The following P4HA3 variants were observed in gnomAD, a reference collection of about 807,000 sequenced individuals.
The protein encoded by P4HA3 is prolyl 4-hydroxylase subunit alpha-3.
In P4HA3, 60 loss-of-function variants were observed where a neutral mutation model predicts 66.7. The ratio of observed to expected loss-of-function variants is 0.90; its 90% CI spans 0.73 to 1.12. The LOEUF (loss-of-function observed/expected upper bound fraction) is 1.12. Ranked by LOEUF, P4HA3 falls within the 50% of genes most tolerant of loss-of-function variation. The pLI, the probability that P4HA3 is intolerant of heterozygous loss-of-function variation, is 0.00. For synonymous variants in P4HA3, 263 were observed against 274.6 expected (o/e 0.96, Z 0.42); for missense variants, 683 against 685.8 (o/e 1.00, Z 0.05).
At chr11:74,300,855 T>C (rs1300411635) in intron 3 of P4HA3, among the ~76,000 whole-genome samples, 1 of 152,152 alleles carries the variant, frequency 6.6e-6, no homozygotes, top group East Asian at 1.9e-4. Flanking sequence ...TAGCCCAAAC[T>C]AGAAGCAATC....
At chr11:74,287,854 T>C (rs986933965) in intron 5 of P4HA3, among the ~76,000 whole-genome samples, 1 of 152,020 alleles carries the variant, frequency 6.6e-6, no homozygotes, top group African/African-American at 2.4e-5. Flanking sequence ...CCATCTCTGC[T>C]AAAAATATAA....
chr11:74,275,981 T>C (rs1860379481), intron 9 of P4HA3, among the ~76,000 whole-genome samples: 1 of 152,166 alleles, frequency 6.6e-6, no homozygotes. Flanking sequence ...ATAAAAAGAA[T>C]GAAATAATTT....
chr11:74,262,385 A>C (rs899731268), downstream of P4HA3, among the ~76,000 whole-genome samples: 1 of 152,154 alleles, frequency 6.6e-6, no homozygotes, highest in African/African-American at 2.4e-5. Flanking sequence ...ATAAAGAGGG[A>C]TGTGGCAGAG....
At chr11:74,308,983 TC>T (rs1483011582) in intron 1 of P4HA3, among the ~76,000 whole-genome samples, 1 of 152,144 alleles carries the variant, frequency 6.6e-6, no homozygotes, top group Non-Finnish European at 1.5e-5. Context: ...CAAATAGAGG[TC>T]TGTTAAACTC....
intron 7 of P4HA3, among the ~76,000 whole-genome samples, chr11:74,282,935 G>A (rs1025038620): frequency 3.0e-4 from 45 of 152,288 alleles, no homozygotes; most frequent in African/African-American, 9.1e-4. Flanking sequence ...CAGGGCTAGC[G>A]GGCCCAGCGA....
At position 74,271,647 on chromosome 11, in the gene P4HA3, C is replaced by T. The variant is rs529932842; in HGVS notation, c.1398+1898G>A. ...AAGTAGCGGGGACTACAGGTGCACA[C>T]CACCGCACCCAGATTGGGACTGATC... On this transcript the variant is annotated intron_variant, in intron 10 of 12. Coordinates refer to ENST00000331597, the MANE Select transcript of P4HA3 (RefSeq NM_182904.5). Among the ~76,000 whole-genome samples the T allele has an allele frequency of 2.3e-4, 35 of 152,126 alleles. 1 individual carries two copies. The highest frequency in any genetic ancestry group is 7.5e-4 in the African/African-American group (31 of 41,496).
At chr11:74,292,165 TA>T (rs1861051833) in intron 4 of P4HA3, among the ~76,000 whole-genome samples, 1 of 152,232 alleles carries the variant, frequency 6.6e-6, no homozygotes, top group Admixed American at 6.5e-5. Context: ...CTTCCTGGTT[TA>T]GTCTTGGGAG....
intron 9 of P4HA3, among the ~76,000 whole-genome samples, chr11:74,273,994 G>C (rs1565406598): frequency 6.6e-6 from 1 of 151,928 alleles, no homozygotes; most frequent in Non-Finnish European, 1.5e-5. Context: ...TTGCTGAAGA[G>C]ACATACTCTT....
intron 15 of P4HA3, chr11:74,250,846 A>C: frequency 1.2e-6 from 1 of 856,838 alleles, no homozygotes; most frequent in East Asian, 2.7e-5. Context: ...TATTGAGGTG[A>C]GGTTGGAAAT....
intron 15 of P4HA3, among the ~76,000 whole-genome samples, chr11:74,255,014 T>C (rs1859798135): frequency 1.3e-5 from 2 of 152,158 alleles, no homozygotes; most frequent in Admixed American, 1.3e-4. Context: ...ATGTGAAACT[T>C]CATCTACAAC....
At chr11:74,283,047 CAG>C (rs952553394) in intron 7 of P4HA3, among the ~76,000 whole-genome samples, 25 of 152,116 alleles carry the variant, frequency 1.6e-4, no homozygotes, top group African/African-American at 6.0e-4. Flanking sequence ...GACTAGGAAG[CAG>C]AGATATTCAA....
At chr11:74,290,326 T>C (rs1456381249) in intron 4 of P4HA3, among the ~76,000 whole-genome samples, 5 of 152,138 alleles carry the variant, frequency 3.3e-5, no homozygotes, top group Non-Finnish European at 5.9e-5. Flanking sequence ...TTGAGTTCAT[T>C]GTAGATTCTG....
In P4HA3 at chr11:74,289,248, A is replaced by G. The variant is rs1049944079; in HGVS notation, c.718-118T>C. Reference sequence around the variant, plus strand: ...AATATTCTTACCATAAGTAGATAATAAGGCTCACTGAAAGGAACAGCAGAC... The same window carrying G: ...AATATTCTTACCATAAGTAGATAATGAGGCTCACTGAAAGGAACAGCAGAC... On this transcript the variant is annotated intron_variant, in intron 4 of 12. Coordinates refer to ENST00000331597, the MANE Select transcript of P4HA3 (RefSeq NM_182904.5). 3 of 906,000 alleles carry G rather than the reference A, an allele frequency of 3.3e-6. No homozygotes were observed. In the African/African-American group the frequency reaches 5.2e-5, roughly 16 times the overall value. 56.1% of individuals were successfully genotyped at this position (906,000 alleles called of 1,614,324 possible). A position where few individuals can be genotyped will look rare whatever the true frequency, so the allele number is the denominator to read the frequency against.
At position 74,269,642 on chromosome 11, in the gene P4HA3, C is replaced by T. The variant is rs774226666; in HGVS notation, c.1467+10G>A. On this transcript the variant is annotated intron_variant, in intron 11 of 12. Transcript: ENST00000331597. ...TCAACCCCGTCTTCTGGGACCAGGGCCCCACTCACCCTAACCACAGGCACG... is the reference window on the plus strand; with the variant it reads ...TCAACCCCGTCTTCTGGGACCAGGGTCCCACTCACCCTAACCACAGGCACG... 1 of 1,610,938 alleles carries T rather than the reference C, an allele frequency of 6.2e-7. No individual in the cohort carries two copies. Among genetic ancestry groups the T allele is most frequent in the South Asian group, 1.1e-5 (1 of 90,614 alleles).
At chr11:74,283,155 G>C (rs1053494167) in intron 7 of P4HA3, among the ~76,000 whole-genome samples, 1 of 152,172 alleles carries the variant, frequency 6.6e-6, no homozygotes, top group Non-Finnish European at 1.5e-5. Flanking sequence ...GACCAGACAG[G>C]CATCAGCAGC....
intron 1 of P4HA3, among the ~76,000 whole-genome samples, chr11:74,306,445 T>C (rs1008959691): frequency 1.3e-5 from 2 of 152,220 alleles, no homozygotes; most frequent in African/African-American, 4.8e-5. Flanking sequence ...GTACTATTCC[T>C]GCTCTCCAAG....
chr11:74,269,445 A>G (rs1860111895), intron 11 of P4HA3, among the ~76,000 whole-genome samples: 2 of 152,220 alleles, frequency 1.3e-5, no homozygotes, highest in South Asian at 4.1e-4. Context: ...TATAAGTGTA[A>G]ATAAAATAAC....
chr11:74,298,157 T>A, intron 4 of P4HA3, 55 bp downstream of exon 4: 2 of 1,568,878 alleles, frequency 1.3e-6, no homozygotes, highest in Non-Finnish European at 1.7e-6. Context: ...GTAAAGCAGC[T>A]ATAAAGGATT....
At chr11:74,267,364 G>C in intron 12 of P4HA3, 46 bp from the exon 13 acceptor site, 1 of 1,607,170 alleles carries the variant, frequency 6.2e-7, no homozygotes, top group Non-Finnish European at 8.5e-7. Context: ...CAGCAGAACA[G>C]ACAGCAGCAA....
Sources: gnomAD v4.1 joint callset for allele counts (sites outside exome capture counted in the v4.1 genomes callset) on GRCh38, gnomAD v4.1.1 for gene constraint, MANE v1.5 for transcripts, NCBI Gene and HGNC (gene_info 2026-07-23, HGNC 2026-07-21) for gene names.